The following ADGRE2 variants were observed in gnomAD, a reference collection of about 807,000 sequenced individuals.
ADGRE2 encodes the protein adhesion G protein-coupled receptor E2.
Under a neutral mutation model 100.8 loss-of-function variants are expected in ADGRE2, and 83 were observed. That is an observed-to-expected ratio of 0.82 (90% CI 0.69 to 0.99). The LOEUF (loss-of-function observed/expected upper bound fraction) is 0.99. Ranked by LOEUF, ADGRE2 falls within the 50% of genes least tolerant of loss-of-function variation. ADGRE2 has a pLI of 0.00. For synonymous variants in ADGRE2, 355 were observed against 413.0 expected (o/e 0.86, Z 1.70); for missense variants, 814 against 1,035.7 (o/e 0.79, Z 2.94).
At chr19:14,757,318 C>G (rs780693060) in intron 11 of ADGRE2, among the ~76,000 whole-genome samples, 1 of 152,312 alleles carries the variant, frequency 6.6e-6, no homozygotes, top group Admixed American at 6.5e-5. Flanking sequence ...TCTAGAGACT[C>G]AATGCAATCC....
chr19:14,754,580 A>G (rs1211778532), intron 14 of ADGRE2, among the ~76,000 whole-genome samples: 3 of 152,170 alleles, frequency 2.0e-5, no homozygotes, highest in Non-Finnish European at 4.4e-5. Context: ...TGTCCTCCAG[A>G]TAGGAATGCT....
intron 20 of ADGRE2, among the ~76,000 whole-genome samples, chr19:14,742,444 C>T (rs569097868): frequency 7.2e-5 from 11 of 152,120 alleles, no homozygotes; most frequent in Non-Finnish European, 1.6e-4. Flanking sequence ...GTTGCTCAGG[C>T]TAGTCTTGAA....
chr19:14,731,240 C>A (rs2042668940), downstream of ADGRE2: 2 of 1,497,032 alleles, frequency 1.3e-6, no homozygotes, highest in Non-Finnish European at 1.8e-6. Flanking sequence ...TCGCTAGAAT[C>A]CAACCTCTGG....
chr19:14,770,681 T>TTC lies in ADGRE2; in HGVS notation c.355+1660_355+1661insGA, dbSNP rs1568623305. On this transcript the variant is annotated intron_variant, in intron 5 of 20. Coordinates refer to ENST00000315576, the MANE Select transcript of ADGRE2 (RefSeq NM_013447.4). ...GTTTCTTTCTTTTCTTTTTTTTTTT[T>TTC]TTTTTTTTTTTTTTTTGAGACAAAG... Among the ~76,000 whole-genome samples, 9 of 126,384 alleles carry TTC rather than the reference T, an allele frequency of 7.1e-5. 1 individual carries two copies. The East Asian group carries it at 1.8e-3, about 25-fold the overall frequency. 82.9% of individuals were successfully genotyped at this position (126,384 alleles called of 152,430 possible).
chr19:14,743,592 T>C (rs761488909), intron 19 of ADGRE2, 24 bp downstream of exon 19: 1 of 1,614,116 alleles, frequency 6.2e-7, no homozygotes, highest in Non-Finnish European at 8.5e-7. Context: ...GGAAGAGTCC[T>C]GGGTGGGAGC....
At chr19:14,730,530 CCTCT>C (rs1408496717), downstream of ADGRE2, among the ~76,000 whole-genome samples, 5 of 107,966 alleles carry the variant, frequency 4.6e-5, no homozygotes, top group African/African-American at 1.6e-4. Flanking sequence ...TCTTTGTCTT[CCTCT>C]CTCTTTCTGT....
rs118024350 is a variant in ADGRE2, at chr19:14,742,414, T to C, written c.2463+1006A>G. ...CCTCAGCTAATTTTTAAATGCTTTA[T>C]AGGGACGAGGTGTCACTGGGTTGCT... On this transcript the variant is annotated intron_variant, in intron 20 of 20. Transcript: ENST00000315576. Among the ~76,000 whole-genome samples the C allele has an allele frequency of 7.2e-4, 109 of 152,272 alleles. 1 individual carries two copies. In the East Asian group the frequency reaches 0.02, roughly 28 times the overall value.
At chr19:14,741,132 C>T (rs141744127) in intron 20 of ADGRE2, among the ~76,000 whole-genome samples, 20 of 133,004 alleles carry the variant, frequency 1.5e-4, no homozygotes, top group East Asian at 1.0e-3. Flanking sequence ...TGCTGTGTTG[C>T]CCAGGGTGGA....
chr19:14,750,622 C>T (rs894301994), intron 16 of ADGRE2, among the ~76,000 whole-genome samples: 1 of 152,128 alleles, frequency 6.6e-6, no homozygotes, highest in Non-Finnish European at 1.5e-5. Flanking sequence ...AAGTAAGCAT[C>T]TCATAAATCT....
At chr19:14,736,578 C>G (rs1445274647) in intron 20 of ADGRE2, among the ~76,000 whole-genome samples, 1 of 138,504 alleles carries the variant, frequency 7.2e-6, no homozygotes, top group Admixed American at 7.4e-5. Flanking sequence ...ATATATATTT[C>G]TAAATATATT....
intron 14 of ADGRE2, among the ~76,000 whole-genome samples, chr19:14,754,528 A>G (rs1281942026): frequency 6.6e-6 from 1 of 151,788 alleles, no homozygotes; most frequent in Non-Finnish European, 1.5e-5. Flanking sequence ...CTCGACTAAT[A>G]CAAAGCTTAA....
intron 20 of ADGRE2, among the ~76,000 whole-genome samples, chr19:14,736,735 AATATAGATATTTAGAAAT>A (rs969472909): frequency 6.2e-5 from 8 of 129,206 alleles, no homozygotes; most frequent in African/African-American, 2.3e-4. Flanking sequence ...GATATTTAGA[AATATAGATATTTAGAAAT>A]ATATAGATAT....
chr19:14,743,350 T>G, intron 20 of ADGRE2, 70 bp downstream of exon 20: 1 of 1,265,454 alleles, frequency 7.9e-7, no homozygotes, highest in Non-Finnish European at 1.2e-6. Flanking sequence ...CCAGGTTTCC[T>G]TGTGTGATAG....
At chr19:14,761,928 C>T (rs1467483276) in intron 11 of ADGRE2, among the ~76,000 whole-genome samples, 1 of 152,204 alleles carries the variant, frequency 6.6e-6, no homozygotes, top group African/African-American at 2.4e-5. Flanking sequence ...TTGGGCATTC[C>T]TTTCTCTCAC....
chr19:14,727,306 G>GCC, the ADGRE2 span, among the ~76,000 whole-genome samples: 1 of 152,132 alleles, frequency 6.6e-6, no homozygotes, highest in Non-Finnish European at 1.5e-5. Flanking sequence ...GGGATTACAG[G>GCC]TGTGAGCCAC....
chr19:14,759,488 C>CATATATAT lies in ADGRE2; in HGVS notation c.1085-3151_1085-3144dup, dbSNP rs147074153. 1.7e-3 allele frequency among the ~76,000 whole-genome samples: 223 copies of CATATATAT among 133,550 alleles called. 4 individuals carry two copies. The highest frequency in any genetic ancestry group is 3.9e-3 in the African/African-American group (127 of 32,196). The allele number at this position is 133,550 out of a possible 152,430, so 87.6% of individuals were successfully genotyped here. A position where few individuals can be genotyped will look rare whatever the true frequency, so the allele number is the denominator to read the frequency against. Reference sequence around the variant, plus strand: ...AGTTAGACAAAAAGTATAAGTTATACATATATATATATATATTTTTTTTTT... The same window carrying CATATATAT: ...AGTTAGACAAAAAGTATAAGTTATACATATATATATATATATATATATATTTTTTTTTT... On this transcript the variant is annotated intron_variant, in intron 11 of 20. Transcript: ENST00000315576.
rs1332212611 is a variant in ADGRE2 at position 14,772,243 on chromosome 19, C to A, written c.355+99G>T. The A allele has an allele frequency of 4.6e-6, 7 of 1,526,232 alleles. No individual in the cohort carries two copies. In the Admixed American group the frequency reaches 6.8e-5, roughly 15 times the overall value. 94.5% of individuals were successfully genotyped at this position (1,526,232 alleles called of 1,614,324 possible). A position where few individuals can be genotyped will look rare whatever the true frequency, so the allele number is the denominator to read the frequency against. On this transcript the variant is annotated intron_variant, in intron 5 of 20. Transcript: ENST00000315576. Reference sequence around the variant, plus strand: ...CTCATCTCAGACTCCAGGAACTGAACCTATACTTGGGTACCTGCTCCCTGG... The same window carrying A: ...CTCATCTCAGACTCCAGGAACTGAAACTATACTTGGGTACCTGCTCCCTGG...
intron 11 of ADGRE2, among the ~76,000 whole-genome samples, chr19:14,760,007 A>G (rs904019349): frequency 1.3e-5 from 2 of 151,798 alleles, no homozygotes; most frequent in African/African-American, 4.8e-5. Flanking sequence ...TTTAGTAGAG[A>G]TGGGGTTTCA....
downstream of ADGRE2, among the ~76,000 whole-genome samples, chr19:14,728,686 T>G (rs1344243586): frequency 6.6e-6 from 1 of 152,286 alleles, no homozygotes; most frequent in African/African-American, 2.4e-5. Flanking sequence ...TCCATGTGAA[T>G]CCCTTTACAC....
Sources: gnomAD v4.1 joint callset for allele counts (sites outside exome capture counted in the v4.1 genomes callset) on GRCh38, gnomAD v4.1.1 for gene constraint, MANE v1.5 for transcripts, NCBI Gene and HGNC (gene_info 2026-07-23, HGNC 2026-07-21) for gene names.